The following METTL15 variants were observed in gnomAD, a reference collection of about 807,000 sequenced individuals.
METTL15 encodes the protein 12S rRNA N(4)-cytidine methyltransferase METTL15.
METTL15 carries 34 observed loss-of-function variants against 38.3 expected under a neutral mutation model. The ratio of observed to expected loss-of-function variants is 0.89; its 90% CI spans 0.68 to 1.18. The LOEUF is 1.18. METTL15 is among the 50% of genes most tolerant of loss of function. The pLI, the probability that METTL15 is intolerant of heterozygous loss-of-function variation, is 0.00. For synonymous variants in METTL15, 162 were observed against 170.9 expected, an observed-to-expected ratio of 0.95 and a Z score of 0.41; for missense variants, 438 against 498.4, an observed-to-expected ratio of 0.88 and a Z score of 1.15.
intron 6 of METTL15, among the ~76,000 whole-genome samples, chr11:28,505,654 T>C (rs1170101775): frequency 2.6e-5 from 4 of 152,356 alleles, no homozygotes; most frequent in African/African-American, 9.6e-5. Flanking sequence ...ATAATAAACT[T>C]GATGAGGGTA....
intron 4 of METTL15, among the ~76,000 whole-genome samples, chr11:28,286,995 A>G (rs888371043): frequency 2.1e-5 from 3 of 142,448 alleles, no homozygotes; most frequent in African/African-American, 8.3e-5. Flanking sequence ...CTATATATAT[A>G]TGTATTCTCC....
chr11:28,341,231 G>A (rs10444268), intron 3 of METTL15, among the ~76,000 whole-genome samples: 60,031 of 152,026 alleles, frequency 0.39, 14,673 homozygotes, highest in Non-Finnish European at 0.52. Flanking sequence ...ATGACTGGTT[G>A]ATGGATGCAA....
chr11:28,518,007 G>A (rs1851733195), intron 6 of METTL15, among the ~76,000 whole-genome samples: 1 of 152,162 alleles, frequency 6.6e-6, no homozygotes, highest in African/African-American at 2.4e-5. Flanking sequence ...TATTAGTGCT[G>A]GGTTCAAAAG....
At position 28,287,156 on chromosome 11, in the gene METTL15, A is replaced by ATGTGTGTGTG. The variant is rs150235421; in HGVS notation, c.408-3018_408-3009dup. 2.5e-3 allele frequency: 347 copies of ATGTGTGTGTG among 140,618 alleles called. 2 individuals are homozygous for ATGTGTGTGTG. Among genetic ancestry groups the ATGTGTGTGTG allele is most frequent in the South Asian group, 6.5e-3 (30 of 4,626 alleles). 8.7% of individuals were successfully genotyped at this position (140,618 alleles called of 1,614,324 possible). A position where few individuals can be genotyped will look rare whatever the true frequency, so the allele number is the denominator to read the frequency against. ...GTATATATATAGAGAGAGAGAGACAATGTGTGTGTGTGTGTGTGTGTGTGT... is the reference window on the plus strand; with the variant it reads ...GTATATATATAGAGAGAGAGAGACAATGTGTGTGTGTGTGTGTGTGTGTGTGTGTGTGTGT... On this transcript the variant is annotated intron_variant, in intron 4 of 6. Transcript: ENST00000407364.
chr11:28,395,207 T>G (rs1850555781), intron 5 of METTL15, among the ~76,000 whole-genome samples: 1 of 152,064 alleles, frequency 6.6e-6, no homozygotes, highest in Non-Finnish European at 1.5e-5. Context: ...TTTTTGTCTT[T>G]TGTGTTTAGT....
At chr11:28,127,479 C>T (rs1209962843) in intron 3 of METTL15, among the ~76,000 whole-genome samples, 2 of 152,088 alleles carry the variant, frequency 1.3e-5, no homozygotes, top group African/African-American at 4.8e-5. Flanking sequence ...TGTTTTCTGG[C>T]GCCATGAAGC....
At chr11:28,278,439 C>G (rs1855924114) in intron 4 of METTL15, among the ~76,000 whole-genome samples, 2 of 151,978 alleles carry the variant, frequency 1.3e-5, no homozygotes, top group Admixed American at 6.6e-5. Context: ...AATAAACTTC[C>G]CTGTGAGGGC....
At chr11:28,325,189 C>G (rs985565351) in intron 6 of METTL15, among the ~76,000 whole-genome samples, 6 of 152,128 alleles carry the variant, frequency 3.9e-5, no homozygotes, top group Non-Finnish European at 8.8e-5. Flanking sequence ...GGCATAGAAC[C>G]AAGTGATGGC....
At chr11:28,497,686 A>C (rs547610886) in intron 6 of METTL15, among the ~76,000 whole-genome samples, 1 of 152,278 alleles carries the variant, frequency 6.6e-6, no homozygotes, top group East Asian at 1.9e-4. Context: ...CCAAGATGGC[A>C]TCCTCTAGAG....
chr11:28,231,762 C>G (rs932207925), intron 4 of METTL15, among the ~76,000 whole-genome samples: 6 of 152,014 alleles, frequency 3.9e-5, no homozygotes, highest in African/African-American at 1.4e-4. Context: ...TCTGCAAAAT[C>G]ATCCAGATAC....
chr11:28,509,054 C>T (rs1253530044), intron 6 of METTL15, among the ~76,000 whole-genome samples: 1 of 152,142 alleles, frequency 6.6e-6, no homozygotes, highest in Non-Finnish European at 1.5e-5. Flanking sequence ...TAGGTAGTGT[C>T]CACCTTTTCA....
rs184226120 is a variant in METTL15 at position 28,363,419 on chromosome 11, G to A, written c.*358+1383G>A. On this transcript the variant is annotated intron_variant and NMD_transcript_variant, in intron 5 of 7. Coordinates refer to the METTL15 transcript ENST00000532947. ...TGAACTCCCGATCCGTGATCCACCCGCCTTGGCCTCCCAAAGTGCTGGGAT... is the reference window on the plus strand; with the variant it reads ...TGAACTCCCGATCCGTGATCCACCCACCTTGGCCTCCCAAAGTGCTGGGAT... Among the ~76,000 whole-genome samples the A allele has an allele frequency of 1.4e-4, 22 of 152,196 alleles. No homozygotes were observed. The East Asian group carries it at 3.1e-3, about 21-fold the overall frequency.
chr11:28,281,184 A>G (rs1431992899), intron 4 of METTL15, among the ~76,000 whole-genome samples: 1 of 152,180 alleles, frequency 6.6e-6, no homozygotes, highest in African/African-American at 2.4e-5. Flanking sequence ...CTAATGCAAT[A>G]AAGCTTGAGT....
intron 3 of METTL15, among the ~76,000 whole-genome samples, chr11:28,140,178 G>A (rs530062600): frequency 2.6e-5 from 4 of 152,294 alleles, no homozygotes; most frequent in South Asian, 2.1e-4. Context: ...GATGGAAATC[G>A]CATTGTTCTG....
chr11:28,115,111 C>T (rs999996185), intron 3 of METTL15, among the ~76,000 whole-genome samples: 1 of 152,146 alleles, frequency 6.6e-6, no homozygotes, highest in African/African-American at 2.4e-5. Flanking sequence ...GACCCTTGAA[C>T]AATGTGGGAA....
intron 4 of METTL15, among the ~76,000 whole-genome samples, chr11:28,360,315 C>T (rs969922272): frequency 6.6e-5 from 10 of 152,192 alleles, no homozygotes; most frequent in Non-Finnish European, 1.3e-4. Flanking sequence ...CTCCACTCCC[C>T]GGCCATGGCC....
intron 4 of METTL15, among the ~76,000 whole-genome samples, chr11:28,272,984 A>T (rs1378700236): frequency 6.6e-6 from 1 of 152,194 alleles, no homozygotes; most frequent in East Asian, 1.9e-4. Flanking sequence ...AACTAATAGA[A>T]AATTCTCTAA....
chr11:28,153,822 C>T (rs1318515981), intron 3 of METTL15, among the ~76,000 whole-genome samples: 1 of 152,032 alleles, frequency 6.6e-6, no homozygotes. Context: ...CTAAATTGTC[C>T]AGATTCTGGA....
At chr11:28,133,254 G>C (rs181777113) in intron 3 of METTL15, among the ~76,000 whole-genome samples, 5 of 152,256 alleles carry the variant, frequency 3.3e-5, no homozygotes, top group Non-Finnish European at 5.9e-5. Flanking sequence ...CAAGGAGATT[G>C]TAGAATCCTC....
Sources: allele counts gnomAD v4.1 joint callset (sites outside exome capture counted in the v4.1 genomes callset), GRCh38; gene constraint gnomAD v4.1.1; transcripts MANE v1.5; gene names NCBI Gene and HGNC (gene_info 2026-07-23, HGNC 2026-07-21).